Variants in TMCO4 observed in about 807,000 individuals in gnomAD.
The protein encoded by TMCO4 is transmembrane and coiled-coil domains 4, also known as transmembrane and coiled-coil domain-containing protein 4.
A neutral mutation model predicts 64.7 loss-of-function variants in TMCO4; 58 were observed. The observed-to-expected ratio is 0.90, with a 90% CI of 0.73 to 1.12. TMCO4 has a LOEUF of 1.12. TMCO4 is among the 50% of genes most tolerant of loss of function. The probability of loss-of-function intolerance (pLI) is 0.00; values close to 1 mark genes in which losing one functional copy is unlikely to be tolerated. For synonymous variants in TMCO4, 325 were observed against 346.1 expected, an observed-to-expected ratio of 0.94 and a Z score of 0.68; for missense variants, 780 against 825.9, an observed-to-expected ratio of 0.94 and a Z score of 0.68.
Position 19,683,372 on chromosome 1 carries a change from C to A in TMCO4, c.1573G>T (p.Gly525Cys). ...AGCAAGAGCCCCTTCTCGTCCCAGC[C>A]TGGCTTGGTGCGGATGCCCACGGCC... ...LKAVGIRTKPGWDEKGLLLAP... is the reference protein window; with the variant it reads ...LKAVGIRTKPCWDEKGLLLAP... The change falls in exon 16 of 16, where the codon GGC (glycine) becomes TGC (cysteine). Residue 525 changes from glycine (G) to cysteine (C), a missense_variant. Transcript: ENST00000294543. 1 of 1,613,928 alleles carries A rather than the reference C, an allele frequency of 6.2e-7. No homozygotes were observed. The highest frequency in any genetic ancestry group is 8.5e-7 in the Non-Finnish European group (1 of 1,180,022).
At chr1:19,724,866 A>G (rs2100757973) in intron 13 of TMCO4, among the ~76,000 whole-genome samples, 1 of 152,226 alleles carries the variant, frequency 6.6e-6, no homozygotes, top group South Asian at 2.1e-4. Flanking sequence ...GGTTCAAGCA[A>G]TTCTCCTGCC....
Position 19,785,747 on chromosome 1 carries a change from C to G in TMCO4, c.-9+1279G>C, listed in dbSNP as rs193087515. On this transcript the variant is annotated intron_variant, in intron 3 of 15. Transcript: ENST00000294543. The stretch of plus-strand genomic sequence containing the variant: ...GTTGCAGAATCCATGCCCTCAGCAG[C>G]CCACTCAACACATAGCTAACTAAGC... 2.0e-5 allele frequency among the ~76,000 whole-genome samples: 3 copies of G among 152,302 alleles called. No individual in the cohort carries two copies. The East Asian group carries it at 5.8e-4, about 29-fold the overall frequency.
intron 15 of TMCO4, among the ~76,000 whole-genome samples, chr1:19,688,985 G>C (rs1038894741): frequency 6.6e-6 from 1 of 152,202 alleles, no homozygotes; most frequent in South Asian, 2.1e-4. Context: ...CCTGTGAGGA[G>C]AGACTGAGGG....
chr1:19,755,785 C>G lies in TMCO4; in HGVS notation c.383-19G>C. On this transcript the variant is annotated intron_variant, in intron 6 of 15. Coordinates refer to ENST00000294543, the MANE Select transcript of TMCO4 (RefSeq NM_181719.7). ...TAGTGCCCTCGAAAGACAGAAACAA[C>G]ACCGGAAAAGAATCAGTTTAGGTTT... The G allele has an allele frequency of 6.2e-7, 1 of 1,613,792 alleles. No homozygotes were observed. Among genetic ancestry groups the G allele is most frequent in the Non-Finnish European group, 8.5e-7 (1 of 1,179,884 alleles).
At chr1:19,796,439 C>T (rs911382058) in intron 2 of TMCO4, among the ~76,000 whole-genome samples, 6 of 152,102 alleles carry the variant, frequency 3.9e-5, no homozygotes, top group Admixed American at 2.6e-4. Context: ...GTCTCCCTGA[C>T]CAGGAGGGTC....
Position 19,743,236 on chromosome 1 carries a change from G to C in TMCO4, c.878-2295C>G, listed in dbSNP as rs756651537. 6.6e-6 allele frequency among the ~76,000 whole-genome samples: 1 copy of C among 152,072 alleles called. No individual in the cohort carries two copies. Among genetic ancestry groups the C allele is most frequent in the South Asian group, 2.1e-4 (1 of 4,812 alleles). On this transcript the variant is annotated intron_variant, in intron 10 of 15. Coordinates refer to ENST00000294543, the MANE Select transcript of TMCO4 (RefSeq NM_181719.7). The surrounding 1 kb of genome is among the most constrained non-coding windows in gnomAD (Gnocchi z 4.1). ...TTATAAGCCTCAGTTTCCTCATCTG[G>C]AAAAGGGGAGTGCGAATGACAGCCA...
intron 6 of TMCO4, among the ~76,000 whole-genome samples, chr1:19,765,854 T>A (rs1387070665): frequency 6.6e-6 from 1 of 152,164 alleles, no homozygotes; most frequent in Non-Finnish European, 1.5e-5. Context: ...CTGGGCTGAC[T>A]CCGTGACTAA....
chr1:19,687,244 C>T (rs549045941), intron 15 of TMCO4, among the ~76,000 whole-genome samples: 3 of 152,326 alleles, frequency 2.0e-5, no homozygotes, highest in African/African-American at 7.2e-5. Context: ...TGAGCCACTG[C>T]ACCTGGCCTT....
intron 14 of TMCO4, among the ~76,000 whole-genome samples, chr1:19,696,437 C>G (rs776999063): frequency 3.3e-5 from 5 of 152,058 alleles, no homozygotes; most frequent in Non-Finnish European, 7.4e-5. Flanking sequence ...GTGGTCCCAG[C>G]TACTTGGGAG....
At chr1:19,765,744 C>G (rs527628385) in intron 6 of TMCO4, among the ~76,000 whole-genome samples, 106 of 152,182 alleles carry the variant, frequency 7.0e-4, no homozygotes, top group African/African-American at 2.4e-3. Context: ...TTCCGCCCAG[C>G]TGCCAATATG....
chr1:19,726,183 G>T (rs910965937), intron 13 of TMCO4, among the ~76,000 whole-genome samples: 2 of 152,218 alleles, frequency 1.3e-5, no homozygotes, highest in African/African-American at 4.8e-5. Context: ...TCTAGCAGGG[G>T]AGAGAGACCT....
At chr1:19,714,343 T>G (rs2095345608) in intron 13 of TMCO4, among the ~76,000 whole-genome samples, 1 of 152,248 alleles carries the variant, frequency 6.6e-6, no homozygotes, top group Non-Finnish European at 1.5e-5. Flanking sequence ...TGATTTATTT[T>G]CAGATCTCCG....
chr1:19,708,165 T>C (rs1430801932), intron 13 of TMCO4, among the ~76,000 whole-genome samples: 2 of 152,086 alleles, frequency 1.3e-5, no homozygotes, highest in Non-Finnish European at 2.9e-5. Flanking sequence ...AAGCCTACGA[T>C]GGTACTGTCA....
chr1:19,757,840 C>T (rs2042335224), intron 6 of TMCO4, among the ~76,000 whole-genome samples: 2 of 152,118 alleles, frequency 1.3e-5, no homozygotes, highest in South Asian at 2.1e-4. Context: ...TAAACTCTTC[C>T]GAATTTTAGG....
chr1:19,776,106 C>T (rs1478744993), intron 4 of TMCO4, among the ~76,000 whole-genome samples: 2 of 152,166 alleles, frequency 1.3e-5, no homozygotes, highest in African/African-American at 2.4e-5. Context: ...CAGGGTTTCA[C>T]CATGTTGGCC....
intron 5 of TMCO4, 32 bp downstream of exon 5, chr1:19,771,276 C>T (rs1282396960): frequency 6.2e-7 from 1 of 1,604,452 alleles, no homozygotes; most frequent in Non-Finnish European, 8.5e-7. Flanking sequence ...GTTCTACTGT[C>T]CCCAGCAGCC....
chr1:19,743,153 T>G lies in TMCO4; in HGVS notation c.878-2212A>C, dbSNP rs189079626. On this transcript the variant is annotated intron_variant, in intron 10 of 15. Coordinates refer to ENST00000294543, the MANE Select transcript of TMCO4 (RefSeq NM_181719.7). The surrounding 1 kb of genome is among the most constrained non-coding windows in gnomAD (Gnocchi z 4.1). ...GCCAAGAATATGGGCTGGAGCCAGATAGAATGGGGGTGAATCCTGCCCCTG... is the reference window on the plus strand; with the variant it reads ...GCCAAGAATATGGGCTGGAGCCAGAGAGAATGGGGGTGAATCCTGCCCCTG... 3.8e-3 allele frequency among the ~76,000 whole-genome samples: 585 copies of G among 152,232 alleles called. 3 individuals are homozygous for G. Among genetic ancestry groups the G allele is most frequent in the Non-Finnish European group, 5.9e-3 (400 of 68,020 alleles).
intron 3 of TMCO4, 87 bp from the exon 4 acceptor site, chr1:19,780,853 G>A: frequency 2.6e-6 from 3 of 1,145,950 alleles, no homozygotes; most frequent in South Asian, 3.3e-5. Flanking sequence ...AACCATAAAA[G>A]GTTGATAAAG....
At chr1:19,683,544 A>C in intron 15 of TMCO4, 100 bp from the exon 16 acceptor site, 1 of 1,363,622 alleles carries the variant, frequency 7.3e-7, no homozygotes, top group Non-Finnish European at 1.0e-6. Context: ...TGCCCTGAGC[A>C]TCCACAGCCA....
Sources: allele counts gnomAD v4.1 joint callset (sites outside exome capture counted in the v4.1 genomes callset), GRCh38; gene constraint gnomAD v4.1.1; non-coding constraint Gnocchi (gnomAD v3.1); transcripts MANE v1.5; gene names NCBI Gene and HGNC (gene_info 2026-07-23, HGNC 2026-07-21).